Variants in PCDHGB2 observed in about 807,000 individuals in gnomAD.
PCDHGB2 encodes the protein protocadherin gamma-B2.
A neutral mutation model predicts 59.3 loss-of-function variants in PCDHGB2; 55 were observed. That is an observed-to-expected ratio of 0.93 (90% confidence interval 0.75 to 1.16). PCDHGB2 has a LOEUF of 1.16. Among genes scored for constraint, PCDHGB2 ranks in the 50% most tolerant of loss-of-function variants. The pLI is 0.00. For synonymous variants in PCDHGB2, 516 were observed against 512.0 expected (o/e 1.01, Z -0.11); for missense variants, 1,228 against 1,198.5 (o/e 1.02, Z -0.36).
chr5:141,415,704 T>C (rs1262137262), intron 1 of PCDHGB2: 1 of 1,344,464 alleles, frequency 7.4e-7, no homozygotes, highest in South Asian at 1.3e-5. Context: ...GTGTAAATGC[T>C]AAAACACTGA....
chr5:141,414,597 C>T, intron 1 of PCDHGB2: 5 of 1,613,972 alleles, frequency 3.1e-6, no homozygotes, highest in Non-Finnish European at 3.4e-6. Flanking sequence ...GGGGTGCCTC[C>T]ATCTTCTCAG....
intron 1 of PCDHGB2, among the ~76,000 whole-genome samples, chr5:141,368,793 T>G (rs1012926253): frequency 6.6e-6 from 1 of 152,202 alleles, no homozygotes; most frequent in Non-Finnish European, 1.5e-5. Context: ...GAATAATTTT[T>G]CATACTAATT....
In PCDHGB2 at chr5:141,383,047, A is replaced by T. The variant is rs373552606; in HGVS notation, c.2421+20491A>T. ...AGGGTCCTTTGTGGGAGACATCGCCAAGGACCTGGGGCTGGAGCCCCGGGA... is the reference window on the plus strand; with the variant it reads ...AGGGTCCTTTGTGGGAGACATCGCCTAGGACCTGGGGCTGGAGCCCCGGGA... On this transcript the variant is annotated intron_variant, in intron 1 of 3. Coordinates refer to ENST00000522605, the MANE Select transcript of PCDHGB2 (RefSeq NM_018923.3). The T allele has an allele frequency of 1.6e-5, 26 of 1,613,752 alleles. No individual in the cohort carries two copies. The African/African-American group carries it at 2.9e-4, about 18-fold the overall frequency.
At chr5:141,428,197 G>C in intron 1 of PCDHGB2, 3 of 1,385,972 alleles carry the variant, frequency 2.2e-6, no homozygotes, top group Non-Finnish European at 3.0e-6. Flanking sequence ...CGCTCTCTGC[G>C]CCGCTACGCT....
At chr5:141,419,878 G>A in intron 1 of PCDHGB2, 2 of 1,614,060 alleles carry the variant, frequency 1.2e-6, no homozygotes, top group Non-Finnish European at 1.7e-6. Context: ...AGGTACTGCC[G>A]GATTTCAGCG....
At chr5:141,399,350 G>T (rs746925566) in intron 1 of PCDHGB2, 2 of 1,613,964 alleles carry the variant, frequency 1.2e-6, no homozygotes, top group East Asian at 2.2e-5. Flanking sequence ...ACCCTAGACC[G>T]AGAGCAAACC....
intron 1 of PCDHGB2, chr5:141,478,480 G>C (rs1444434721): frequency 1.9e-6 from 3 of 1,613,564 alleles, no homozygotes; most frequent in South Asian, 2.2e-5. Flanking sequence ...GCCAGAACAC[G>C]CTGCGGAGCT....
At chr5:141,420,699 C>T (rs2096518531) in intron 1 of PCDHGB2, among the ~76,000 whole-genome samples, 1 of 152,236 alleles carries the variant, frequency 6.6e-6, no homozygotes, top group African/African-American at 2.4e-5. Context: ...ATTATTTCCA[C>T]TTCCAGAAAT....
intron 1 of PCDHGB2, chr5:141,394,844 T>C (rs2093111751): frequency 6.2e-7 from 1 of 1,613,752 alleles, no homozygotes. Context: ...AGTTGGGCAG[T>C]CTGAAGCCTT....
chr5:141,361,689 C>G lies in PCDHGB2; in HGVS notation c.1554C>G (p.Arg518=), dbSNP rs752885909. 1 of 1,613,502 alleles carries G rather than the reference C, an allele frequency of 6.2e-7. No homozygotes were observed. Among genetic ancestry groups the G allele is most frequent in the South Asian group, 1.1e-5 (1 of 91,084 alleles). ...AGAGCGGGGTGGTGTTCGCGCAGCG[C>G]GCCTTCGATCATGAGCAGCTGCGCG... The part of the protein sequence containing the change: ...SAQSGVVFAQ[R]AFDHEQLRAF... Residue 518 remains arginine, a synonymous_variant, in exon 1 of 4, where the codon CGC becomes CGG. Transcript: ENST00000522605.
intron 1 of PCDHGB2, among the ~76,000 whole-genome samples, chr5:141,450,783 G>A (rs2879228): frequency 0.25 from 37,099 of 150,510 alleles, 4,810 homozygotes; most frequent in Admixed American, 0.32. Flanking sequence ...CACCGTGCCC[G>A]GACCTCATGA....
At chr5:141,384,295 C>G in intron 1 of PCDHGB2, 2 of 1,613,828 alleles carry the variant, frequency 1.2e-6, no homozygotes, top group South Asian at 2.2e-5. Context: ...TGAGAACAAC[C>G]CCAGAGGGGC....
At chr5:141,408,615 T>A in intron 1 of PCDHGB2, 1 of 1,613,940 alleles carries the variant, frequency 6.2e-7, no homozygotes, top group Non-Finnish European at 8.5e-7. Flanking sequence ...AAAAAGGAAA[T>A]ACATTTAGAA....
At chr5:141,400,015 G>T (rs747874428) in intron 1 of PCDHGB2, 6 of 1,612,768 alleles carry the variant, frequency 3.7e-6, no homozygotes, top group Non-Finnish European at 4.2e-6. Flanking sequence ...TGCCTTGGGC[G>T]ACAGGGACGC....
At chr5:141,376,288 G>T (rs753554580) in intron 1 of PCDHGB2, 1 of 1,614,216 alleles carries the variant, frequency 6.2e-7, no homozygotes, top group Non-Finnish European at 8.5e-7. Context: ...TAGCGAGCAT[G>T]CCCGGCTCGC....
rs1381834832 is a variant in PCDHGB2 at position 141,362,237 on chromosome 5, T to A, written c.2102T>A (p.Val701Glu). 1.2e-6 allele frequency: 2 copies of A among 1,614,026 alleles called. No individual in the cohort carries two copies. The highest frequency in any genetic ancestry group is 8.5e-7 in the Non-Finnish European group (1 of 1,179,892). Residue 701 changes from valine to glutamate, a missense_variant, in exon 1 of 4, where the codon GTG (valine) becomes GAG (glutamate). Physicochemically the swap from Val to Glu is moderately radical, Grantham distance 121 (BLOSUM62 -2). Coordinates refer to ENST00000522605, the MANE Select transcript of PCDHGB2 (RefSeq NM_018923.3). ...YLVVALALIS[V>E]LFFLAVILAI... Reference sequence around the variant, plus strand: ...GTTGTGGCCTTGGCCTTGATCTCAGTGCTCTTCTTCCTCGCGGTGATTCTG... The same window carrying A: ...GTTGTGGCCTTGGCCTTGATCTCAGAGCTCTTCTTCCTCGCGGTGATTCTG...
In PCDHGB2 at chr5:141,404,779, C is replaced by T. The variant is rs779433248; in HGVS notation, c.2421+42223C>T. 8.1e-6 allele frequency: 13 copies of T among 1,613,628 alleles called. No individual in the cohort carries two copies. In the Admixed American group the frequency reaches 1.5e-4, roughly 19 times the overall value. ...ATGCTTGGCTCTCCTACCGCCTATT[C>T]AAGGCCAGTGAGCCAGGGCTCTTCT... On this transcript the variant is annotated intron_variant, in intron 1 of 3. Coordinates refer to ENST00000522605, the MANE Select transcript of PCDHGB2 (RefSeq NM_018923.3).
chr5:141,503,181 A>C (rs532503504), intron 2 of PCDHGB2, among the ~76,000 whole-genome samples: 54 of 152,060 alleles, frequency 3.6e-4, no homozygotes, highest in African/African-American at 1.3e-3. Context: ...TCTATTGTGT[A>C]ATTATTTAAA....
chr5:141,421,491 A>G (rs934861223), intron 1 of PCDHGB2: 8 of 1,614,102 alleles, frequency 5.0e-6, no homozygotes, highest in Non-Finnish European at 6.8e-6. Context: ...TGATCACGGC[A>G]GGCAGGATAG....
Sources: allele counts gnomAD v4.1 joint callset (sites outside exome capture counted in the v4.1 genomes callset), GRCh38; gene constraint gnomAD v4.1.1; transcripts MANE v1.5; gene names NCBI Gene and HGNC (gene_info 2026-07-23, HGNC 2026-07-21).